The following TMEM161A variants were observed in gnomAD, a reference collection of about 807,000 sequenced individuals.
TMEM161A encodes the protein transmembrane protein 161A.
TMEM161A carries 46 observed loss-of-function variants against 57.1 expected under a neutral mutation model. The ratio of observed to expected loss-of-function variants is 0.81; its 90% CI spans 0.64 to 1.03. The LOEUF is 1.03. TMEM161A is among the 50% of genes least tolerant of loss of function. The pLI, the probability that TMEM161A is intolerant of heterozygous loss-of-function variation, is 0.00. For synonymous variants in TMEM161A, 288 were observed against 279.0 expected (o/e 1.03, Z -0.32); for missense variants, 601 against 621.5 (o/e 0.97, Z 0.35).
Position 19,130,264 on chromosome 19 carries a change from C to T in TMEM161A, c.487G>A (p.Glu163Lys). Residue 163 changes from glutamate (E) to lysine (K), a missense_variant, in exon 6 of 12, where the codon GAG becomes AAG. Coordinates refer to ENST00000162044, the MANE Select transcript of TMEM161A (RefSeq NM_017814.3). ...TVTRLYFSAE[E>K]GGERSVCLTF... is the part of the protein sequence containing the mutation. The stretch of plus-strand genomic sequence containing the variant: ...AGGCAGACAGAGCGCTCACCCCCCT[C>T]CTCGGCGCTGAAGTACAGCCGTGTC... 1 of 1,613,868 alleles carries T rather than the reference C, an allele frequency of 6.2e-7. No homozygotes were observed. Among genetic ancestry groups the T allele is most frequent in the Non-Finnish European group, 8.5e-7 (1 of 1,180,030 alleles).
In TMEM161A at chr19:19,134,854, G is replaced by A. The variant is rs147045066; in HGVS notation, c.37C>T (p.Leu13Phe). Residue 13 changes from leucine to phenylalanine, a missense_variant, in exon 2 of 12, where the codon CTC becomes TTC. Physicochemically the swap from Leu to Phe is conservative, Grantham distance 22. Coordinates refer to ENST00000162044, the MANE Select transcript of TMEM161A (RefSeq NM_017814.3). ...AGCCTGTGCATGAGGGTGGCAGTGA[G>A]CAGGGTCACCACCAGCTGTACTCCG... ...VLGVQLVVTL[L>F]TATLMHRLAP... The A allele has an allele frequency of 5.9e-5, 95 of 1,598,264 alleles. No individual in the cohort carries two copies. The highest frequency in any genetic ancestry group is 7.7e-5 in the Non-Finnish European group (90 of 1,173,162).
In TMEM161A at chr19:19,132,642, G is replaced by A. The variant is rs2059964320; in HGVS notation, c.286+15C>T. ...GCTGAGGGAGTAGAGTTTAGGGATG[G>A]GACTGGGCTATTACCCAGGGCATCC... On this transcript the variant is annotated intron_variant, in intron 4 of 11. Transcript: ENST00000162044. This position sits in a 1 kb window ranked among gnomAD's most constrained non-coding sequence, Gnocchi z 4.3. The A allele has an allele frequency of 6.4e-7, 1 of 1,561,782 alleles. No homozygotes were observed. Among genetic ancestry groups the A allele is most frequent in the African/African-American group, 1.4e-5 (1 of 73,764 alleles).
chr19:19,130,319 A>G lies in TMEM161A; in HGVS notation c.444-12T>C. The G allele has an allele frequency of 6.2e-7, 1 of 1,612,064 alleles. No homozygotes were observed. ...TCAGGAACATCTTGCTGGAGGCTGG[A>G]GCTAAGGAGGCCTCAGGTGCCACTG... On this transcript the variant is annotated splice_polypyrimidine_tract_variant and intron_variant, in intron 5 of 11. Transcript: ENST00000162044.
intron 6 of TMEM161A, among the ~76,000 whole-genome samples, chr19:19,122,384 T>G (rs1000390681): frequency 1.3e-5 from 2 of 152,108 alleles, no homozygotes; most frequent in Non-Finnish European, 2.9e-5. Flanking sequence ...CTCCCTAGGT[T>G]ATAGAAGGAA....
intron 6 of TMEM161A, among the ~76,000 whole-genome samples, chr19:19,129,937 A>T (rs998693256): frequency 1.3e-5 from 2 of 152,092 alleles, no homozygotes; most frequent in African/African-American, 4.8e-5. Context: ...AGCTATAGCC[A>T]TGAGTGTCCA....
At chr19:19,135,663 A>G (rs2059981875) in intron 1 of TMEM161A, among the ~76,000 whole-genome samples, 1 of 151,764 alleles carries the variant, frequency 6.6e-6, no homozygotes, top group South Asian at 2.1e-4. Flanking sequence ...TGCAGCCTCA[A>G]CCTCCCAGGC....
chr19:19,137,290 A>G (rs556492290), intron 1 of TMEM161A, among the ~76,000 whole-genome samples: 12 of 152,154 alleles, frequency 7.9e-5, no homozygotes, highest in Admixed American at 7.9e-4. Flanking sequence ...GGAGTCTCAG[A>G]GGTCTTCCTG....
rs78400952 is a variant in TMEM161A at position 19,134,978 on chromosome 19, G to C, written c.4-91C>G. ...ACCCAGGCTATTTATAGAGAAGTCA[G>C]GCTGGATGGGGGAAGGGCGAGCCTC... On this transcript the variant is annotated intron_variant, in intron 1 of 11. Coordinates refer to ENST00000162044, the MANE Select transcript of TMEM161A (RefSeq NM_017814.3). The C allele has an allele frequency of 5.9e-3, 5,350 of 902,708 alleles. 188 individuals are homozygous for C. The African/African-American group carries it at 0.079, about 13-fold the overall frequency. The allele number at this position is 902,708 out of a possible 1,614,324, so 55.9% of individuals were successfully genotyped here.
Position 19,121,623 on chromosome 19 carries a change from C to T in TMEM161A, c.702G>A (p.Val234=). 2 of 1,614,002 alleles carry T rather than the reference C, an allele frequency of 1.2e-6. No individual in the cohort carries two copies. Among genetic ancestry groups the T allele is most frequent in the Non-Finnish European group, 1.7e-6 (2 of 1,179,966 alleles). ...KLAIRVGLAV[V]GSVLGAFLTF... is the part of the protein sequence containing the mutation. Reference sequence around the variant, plus strand: ...TGAGGAAGGCACCCAGCACAGAGCCCACCACTGCCAGTCCCACGCGGATAG... The same window carrying T: ...TGAGGAAGGCACCCAGCACAGAGCCTACCACTGCCAGTCCCACGCGGATAG... The change falls in exon 8 of 12, where the codon GTG becomes GTA. Residue 234 remains valine (V), a synonymous_variant. Transcript: ENST00000162044. This position sits in a 1 kb window ranked among gnomAD's most constrained non-coding sequence, Gnocchi z 5.8.
intron 11 of TMEM161A, 87 bp downstream of exon 11, chr19:19,120,678 C>T: frequency 7.8e-7 from 1 of 1,277,672 alleles, no homozygotes; most frequent in South Asian, 1.2e-5. Context: ...CTCTCCCCCC[C>T]CACCGCGGTC....
At chr19:19,129,315 G>C (rs916981987) in intron 6 of TMEM161A, among the ~76,000 whole-genome samples, 12 of 152,106 alleles carry the variant, frequency 7.9e-5, no homozygotes, top group African/African-American at 2.7e-4. Context: ...TGAAAGGCAG[G>C]GAGAATTGGA....
At chr19:19,130,518 G>A in intron 5 of TMEM161A, 1 of 601,880 alleles carries the variant, frequency 1.7e-6, no homozygotes, top group African/African-American at 1.8e-5. Context: ...GGCCTCATCA[G>A]GCCACCGTGT....
chr19:19,121,462 CCT>C lies in TMEM161A; in HGVS notation c.801-43_801-42del, dbSNP rs745799342. The C allele has an allele frequency of 2.7e-5, 43 of 1,613,536 alleles. No homozygotes were observed. The East Asian group carries it at 3.3e-4, about 13-fold the overall frequency. ...AGGAGGGAGTGAGGCCTGGGTACCCCCTCTCCTCGAGTCTCTCCCTTAAGCTC... is the reference window on the plus strand; with the variant it reads ...AGGAGGGAGTGAGGCCTGGGTACCCCCTCCTCGAGTCTCTCCCTTAAGCTC... On this transcript the variant is annotated intron_variant, in intron 8 of 11. Coordinates refer to ENST00000162044, the MANE Select transcript of TMEM161A (RefSeq NM_017814.3). This position sits in a 1 kb window ranked among gnomAD's most constrained non-coding sequence, Gnocchi z 5.8.
At chr19:19,135,046 C>G in intron 1 of TMEM161A, 159 bp from the exon 2 acceptor site, 1 of 589,908 alleles carries the variant, frequency 1.7e-6, no homozygotes, top group Non-Finnish European at 3.0e-6. Context: ...TGGGGTGAGT[C>G]TGGACTCACC....
Position 19,121,321 on chromosome 19 carries a change from T to A in TMEM161A, c.901A>T (p.Thr301Ser). Residue 301 changes from threonine (T) to serine (S), a missense_variant, in exon 9 of 12, where the codon ACG becomes TCG. Thr to Ser is a moderately conservative substitution (Grantham distance 58). Transcript: ENST00000162044. The surrounding 1 kb of genome is among the most constrained non-coding windows in gnomAD (Gnocchi z 5.8). ...DFLHQPPFGE[T>S]RFSLLSDSAF... ...CCCAATACGCACAGGGAGAAACGCG[T>A]CTCCCCAAACGGCGGCTGGTGCAGG... 2 of 1,568,934 alleles carry A rather than the reference T, an allele frequency of 1.3e-6. No individual in the cohort carries two copies. Among genetic ancestry groups the A allele is most frequent in the African/African-American group, 2.7e-5 (2 of 73,474 alleles).
chr19:19,132,220 G>T lies in TMEM161A; in HGVS notation c.443+132C>A. Reference sequence around the variant, plus strand: ...CAGAGCTGGAGCACATAAAATGTCTGCTTCATGTCACTAAGCTTGGGGAAG... The same window carrying T: ...CAGAGCTGGAGCACATAAAATGTCTTCTTCATGTCACTAAGCTTGGGGAAG... On this transcript the variant is annotated intron_variant, in intron 5 of 11. Transcript: ENST00000162044. The surrounding 1 kb of genome is among the most constrained non-coding windows in gnomAD (Gnocchi z 4.3). 1.8e-6 allele frequency: 2 copies of T among 1,088,454 alleles called. No individual in the cohort carries two copies. The highest frequency in any genetic ancestry group is 2.6e-6 in the Non-Finnish European group (2 of 758,690). The allele number at this position is 1,088,454 out of a possible 1,614,324, so 67.4% of individuals were successfully genotyped here. A position where few individuals can be genotyped will look rare whatever the true frequency, so the allele number is the denominator to read the frequency against.
At chr19:19,129,237 A>G (rs2059945714) in intron 6 of TMEM161A, among the ~76,000 whole-genome samples, 1 of 152,108 alleles carries the variant, frequency 6.6e-6, no homozygotes, top group African/African-American at 2.4e-5. Context: ...TACTCATATG[A>G]TTATTTTGCT....
At chr19:19,122,496 G>A (rs1041563394) in intron 6 of TMEM161A, among the ~76,000 whole-genome samples, 2 of 151,956 alleles carry the variant, frequency 1.3e-5, no homozygotes, top group African/African-American at 4.8e-5. Flanking sequence ...TTAAGAGCAG[G>A]GCTGGGTGCA....
At position 19,121,426 on chromosome 19, in the gene TMEM161A, G is replaced by C. The variant is rs200335461; in HGVS notation, c.801-5C>G. The C allele has an allele frequency of 3.5e-5, 56 of 1,613,892 alleles. No individual in the cohort carries two copies. The highest frequency in any genetic ancestry group is 4.6e-5 in the Non-Finnish European group (54 of 1,179,824). ...AAGCTGGTGTGCAGGAGGAACCTGG[G>C]GGGTGAGGGCAGGAGGGAGTGAGGC... On this transcript the variant is annotated splice_polypyrimidine_tract_variant and splice_region_variant and intron_variant, in intron 8 of 11. Transcript: ENST00000162044. This position sits in a 1 kb window ranked among gnomAD's most constrained non-coding sequence, Gnocchi z 5.8.
Sources: gnomAD v4.1 joint callset for allele counts (sites outside exome capture counted in the v4.1 genomes callset) on GRCh38, gnomAD v4.1.1 for gene constraint, Gnocchi (gnomAD v3.1) non-coding constraint, MANE v1.5 for transcripts, NCBI Gene and HGNC (gene_info 2026-07-23, HGNC 2026-07-21) for gene names.